Variants in STON1 observed in about 807,000 individuals in gnomAD.
STON1 encodes stonin 1.
Under a neutral mutation model 60.9 loss-of-function variants are expected in STON1, and 79 were observed. The observed-to-expected ratio is 1.30, with a 90% CI of 1.08 to 1.56. The LOEUF (loss-of-function observed/expected upper bound fraction) is 1.56. Among genes scored for constraint, STON1 ranks in the 40% most tolerant of loss-of-function variants. The pLI is 0.00. For missense variants in STON1, 1,166 were observed against 858.9 expected (o/e 1.36, Z -4.47); for synonymous variants, 363 against 306.9 (o/e 1.18, Z -1.91).
At chr2:48,574,718 G>A (rs1673381860) in intron 1 of STON1, among the ~76,000 whole-genome samples, 1 of 152,118 alleles carries the variant, frequency 6.6e-6, no homozygotes, top group African/African-American at 2.4e-5. Flanking sequence ...GACTGTCAAT[G>A]GGTTATAAGT....
chr2:48,564,364 C>T lies in STON1; in HGVS notation c.-47-16223C>T, dbSNP rs556259786. Among the ~76,000 whole-genome samples the T allele has an allele frequency of 2.0e-5, 3 of 151,952 alleles. No homozygotes were observed. The South Asian group carries it at 6.3e-4, about 32-fold the overall frequency. ...GATTTCTCATTACATCCTCACATGGCAGAAAGAGAGTGAGCTAGGTCCTCC... is the reference window on the plus strand; with the variant it reads ...GATTTCTCATTACATCCTCACATGGTAGAAAGAGAGTGAGCTAGGTCCTCC... On this transcript the variant is annotated intron_variant, in intron 1 of 3. Coordinates refer to ENST00000404752, the MANE Select transcript of STON1 (RefSeq NM_006873.4).
chr2:48,531,593 G>C (rs1443377001), intron 1 of STON1: 1 of 152,242 alleles, frequency 6.6e-6, no homozygotes, highest in East Asian at 1.9e-4. Context: ...ATTTTTCAGG[G>C]CTTGACCTGG....
intron 1 of STON1, among the ~76,000 whole-genome samples, chr2:48,552,955 T>C (rs1672163414): frequency 1.3e-5 from 2 of 152,162 alleles, no homozygotes; most frequent in East Asian, 3.9e-4. Flanking sequence ...GTTTCTCATG[T>C]AGTTGCAGCC....
At chr2:48,538,419 T>C (rs935640927) in intron 1 of STON1, among the ~76,000 whole-genome samples, 1 of 152,198 alleles carries the variant, frequency 6.6e-6, no homozygotes, top group Non-Finnish European at 1.5e-5. Context: ...AATTTAGGCT[T>C]TCTATTCCTT....
intron 1 of STON1, among the ~76,000 whole-genome samples, chr2:48,564,569 C>CTTCTTCTT (rs1558605682): frequency 1.1e-4 from 4 of 36,494 alleles, no homozygotes; most frequent in Non-Finnish European, 1.1e-4. Context: ...TTCTTCTTCT[C>CTTCTTCTT]CTTCTCCTTC....
intron 1 of STON1, among the ~76,000 whole-genome samples, chr2:48,533,339 C>T (rs954090528): frequency 2.4e-4 from 36 of 151,566 alleles, no homozygotes; most frequent in South Asian, 2.1e-4. Context: ...CCGACTGCAC[C>T]ACTGCACTTC....
At chr2:48,558,899 C>T (rs377543203) in intron 1 of STON1, among the ~76,000 whole-genome samples, 1 of 152,278 alleles carries the variant, frequency 6.6e-6, no homozygotes, top group Non-Finnish European at 1.5e-5. Context: ...GCCTTAGGAG[C>T]AGGCATCTAT....
chr2:48,592,077 A>G (rs1432150890), intron 3 of STON1, among the ~76,000 whole-genome samples: 1 of 152,176 alleles, frequency 6.6e-6, no homozygotes, highest in Non-Finnish European at 1.5e-5. Context: ...CTCTCAATGA[A>G]AAACAGGACA....
At chr2:48,563,989 A>G (rs1672721127) in intron 1 of STON1, among the ~76,000 whole-genome samples, 2 of 151,618 alleles carry the variant, frequency 1.3e-5, no homozygotes, top group Non-Finnish European at 2.9e-5. Context: ...GTGAGCCACC[A>G]CGCCTGCCCT....
At chr2:48,537,956 C>G (rs761622094) in intron 1 of STON1, among the ~76,000 whole-genome samples, 1 of 150,802 alleles carries the variant, frequency 6.6e-6, no homozygotes, top group African/African-American at 2.4e-5. Flanking sequence ...ATATGTCTTT[C>G]TTTATCTTTT....
In STON1 at chr2:48,547,318, G is replaced by A. The variant is rs569217559; in HGVS notation, c.-48+17102G>A. ...GCTTTACATTAAGTGGCATGAATTT[G>A]GGACTCTGATTTTTAGGCCTCACCA... On this transcript the variant is annotated intron_variant, in intron 1 of 3. Transcript: ENST00000404752. 6.6e-5 allele frequency among the ~76,000 whole-genome samples: 10 copies of A among 152,214 alleles called. No individual in the cohort carries two copies. In the South Asian group the frequency reaches 1.9e-3, roughly 28 times the overall value.
At position 48,595,776 on chromosome 2, in the gene STON1, T is replaced by C. The variant is rs1674760537; in HGVS notation, c.*474T>C. 6 of 159,378 alleles carry C rather than the reference T, an allele frequency of 3.8e-5. No individual in the cohort carries two copies. The South Asian group carries it at 1.1e-3, about 30-fold the overall frequency. 9.9% of individuals were successfully genotyped at this position (159,378 alleles called of 1,614,324 possible). A position where few individuals can be genotyped will look rare whatever the true frequency, so the allele number is the denominator to read the frequency against. ...CTTGCCTCTGAAATGTGGCTAGGTG[T>C]AGAATGATGTTGAAACCACAGGCTA... On this transcript the variant is annotated 3_prime_UTR_variant, in exon 4 of 4. Coordinates refer to ENST00000404752, the MANE Select transcript of STON1 (RefSeq NM_006873.4).
chr2:48,532,038 A>C (rs565194267), intron 1 of STON1: 8 of 106,442 alleles, frequency 7.5e-5, no homozygotes, highest in Admixed American at 2.8e-4. Context: ...GTCTCAAAAC[A>C]TCATTAAGGC....
At chr2:48,549,064 C>T (rs1671984342) in intron 1 of STON1, among the ~76,000 whole-genome samples, 1 of 152,160 alleles carries the variant, frequency 6.6e-6, no homozygotes, top group South Asian at 2.1e-4. Flanking sequence ...TTGGAGATCA[C>T]AGTGCATTTG....
At chr2:48,585,169 T>G (rs1181417592) in intron 2 of STON1, among the ~76,000 whole-genome samples, 1 of 152,130 alleles carries the variant, frequency 6.6e-6, no homozygotes, top group East Asian at 1.9e-4. Context: ...AACAGCACAT[T>G]CTGATCAACT....
At chr2:48,577,825 A>C (rs1467120737) in intron 1 of STON1, among the ~76,000 whole-genome samples, 1 of 151,866 alleles carries the variant, frequency 6.6e-6, no homozygotes, top group Admixed American at 6.6e-5. Flanking sequence ...CATGTTGCCC[A>C]GGCTGATCTC....
chr2:48,561,573 G>A (rs1032947705), intron 1 of STON1, among the ~76,000 whole-genome samples: 2 of 152,144 alleles, frequency 1.3e-5, no homozygotes, highest in African/African-American at 4.8e-5. Context: ...TTGACATTTT[G>A]GACTGGAAAA....
chr2:48,581,906 G>T lies in STON1; in HGVS notation c.1273G>T (p.Gly425Cys), dbSNP rs753112554. 6.2e-7 allele frequency: 1 copy of T among 1,613,824 alleles called. No homozygotes were observed. Among genetic ancestry groups the T allele is most frequent in the Admixed American group, 1.7e-5 (1 of 59,964 alleles). The change falls in exon 2 of 4, where the codon GGT becomes TGT. Residue 425 changes from glycine (G) to cysteine (C), a missense_variant. By Grantham distance (159) the Gly-to-Cys change is radical. Transcript: ENST00000404752. The stretch of plus-strand genomic sequence containing the variant: ...CTTGGAAATTGTGGACAACTTTTGG[G>T]GTAAAGTCACAAAAGAAGGAAAATT... The part of the protein sequence containing the change: ...ISLEIVDNFW[G>C]KVTKEGKFVE...
chr2:48,567,761 A>G (rs1435929845), intron 1 of STON1, among the ~76,000 whole-genome samples: 2 of 152,166 alleles, frequency 1.3e-5, no homozygotes, highest in Non-Finnish European at 2.9e-5. Flanking sequence ...TCACAGCTGC[A>G]TGTTAACACA....
Sources: gnomAD v4.1 joint callset for allele counts (sites outside exome capture counted in the v4.1 genomes callset) on GRCh38, gnomAD v4.1.1 for gene constraint, MANE v1.5 for transcripts, NCBI Gene and HGNC (gene_info 2026-07-23, HGNC 2026-07-21) for gene names.